Variants in TSC1 observed in about 807,000 individuals in gnomAD.
TSC1 encodes the protein hamartin.
TSC1 carries 20 observed loss-of-function variants against 124.3 expected under a neutral mutation model. That is an observed-to-expected ratio of 0.16 (90% confidence interval 0.11 to 0.23). The LOEUF is 0.23. TSC1 is among the 10% of genes least tolerant of loss of function. The pLI is 1.00. For missense variants in TSC1, 1,124 were observed against 1,448.5 expected (o/e 0.78, Z 3.64); for synonymous variants, 493 against 539.1 (o/e 0.91, Z 1.19).
rs910475358 is a variant in TSC1, at chr9:132,896,712, C to A, written c.3018G>T (p.Gly1006=). 1 of 1,613,920 alleles carries A rather than the reference C, an allele frequency of 6.2e-7. No homozygotes were observed. Among genetic ancestry groups the A allele is most frequent in the East Asian group, 2.2e-5 (1 of 44,876 alleles). ...CNDGCSDSMV[G]HNEEASGHNG... is the part of the protein sequence containing the mutation. ...TGTGGCCAGATGCCTCTTCATTGTG[C>A]CCTACCATGGAATCTGAGCACCCGT... Residue 1006 remains glycine (G), a synonymous_variant, in exon 23 of 23, where the codon GGG becomes GGT. Coordinates refer to ENST00000298552, the MANE Select transcript of TSC1 (RefSeq NM_000368.5). This position sits in a 1 kb window ranked among gnomAD's most constrained non-coding sequence, Gnocchi z 4.5.
Position 132,895,929 on chromosome 9 carries a change from G to A in TSC1, c.*306C>T, listed in dbSNP as rs1363797770. ...CTCATATTGCACAGGTTCAAAGGAC[G>A]CAACCATTTGGGGGGGAAAGGAAGA... On this transcript the variant is annotated 3_prime_UTR_variant, in exon 23 of 23. Coordinates refer to ENST00000298552, the MANE Select transcript of TSC1 (RefSeq NM_000368.5). 4 of 446,600 alleles carry A rather than the reference G, an allele frequency of 9.0e-6. No homozygotes were observed. The highest frequency in any genetic ancestry group is 3.9e-5 in the East Asian group (1 of 25,384). 27.7% of individuals were successfully genotyped at this position (446,600 alleles called of 1,614,324 possible). A position where few individuals can be genotyped will look rare whatever the true frequency, so the allele number is the denominator to read the frequency against.
At position 132,906,696 on chromosome 9, in the gene TSC1, GT is replaced by G; in HGVS notation, c.1438+34del. On this transcript the variant is annotated intron_variant, in intron 14 of 22. Transcript: ENST00000298552. This position sits in a 1 kb window ranked among gnomAD's most constrained non-coding sequence, Gnocchi z 4.1. Reference sequence around the variant, plus strand: ...AGATTTATAGCAGAGCGAGGGTCAGGTTTTATCAACTCATAGCAATCCCACA... The same window carrying G: ...AGATTTATAGCAGAGCGAGGGTCAGGTTTATCAACTCATAGCAATCCCACA... 6.4e-7 allele frequency: 1 copy of G among 1,566,174 alleles called. No individual in the cohort carries two copies. Among genetic ancestry groups the G allele is most frequent in the Non-Finnish European group, 8.8e-7 (1 of 1,141,234 alleles).
intron 13 of TSC1, 35 bp downstream of exon 13, chr9:132,907,266 G>C: frequency 1.3e-6 from 2 of 1,575,358 alleles, no homozygotes; most frequent in South Asian, 2.2e-5. Flanking sequence ...AATTAGAAGA[G>C]GCAAGCAAGG....
At position 132,906,354 on chromosome 9, in the gene TSC1, T is replaced by C; in HGVS notation, c.1439-215A>G. 1.6e-6 allele frequency: 1 copy of C among 632,918 alleles called. No individual in the cohort carries two copies. The highest frequency in any genetic ancestry group is 2.8e-6 in the Non-Finnish European group (1 of 354,054). The allele number at this position is 632,918 out of a possible 1,614,324, so 39.2% of individuals were successfully genotyped here. On this transcript the variant is annotated intron_variant, in intron 14 of 22. Coordinates refer to ENST00000298552, the MANE Select transcript of TSC1 (RefSeq NM_000368.5). This position sits in a 1 kb window ranked among gnomAD's most constrained non-coding sequence, Gnocchi z 4.1. ...TGAGCCCAGGAGTTAGAGACCAGCC[T>C]GGACAACATAGGGAGATCCCATCTC...
At chr9:132,944,830 G>T (rs945770302), upstream of TSC1, 5 of 382,332 alleles carry the variant, frequency 1.3e-5, no homozygotes, top group South Asian at 1.5e-4. Context: ...GGGCGGGGCC[G>T]GGCGGAAGGA....
At chr9:132,944,435 G>GT (rs1847957008) in intron 1 of TSC1, 108 bp downstream of exon 1, 1 of 396,688 alleles carries the variant, frequency 2.5e-6, no homozygotes, top group Admixed American at 4.4e-5. Context: ...TACCAAGCAA[G>GT]TGAGTCTCTT....
At chr9:132,898,219 A>C (rs1845188626) in intron 20 of TSC1, among the ~76,000 whole-genome samples, 2 of 152,240 alleles carry the variant, frequency 1.3e-5, no homozygotes, top group South Asian at 4.1e-4. Context: ...CAGCCTTTGC[A>C]GACTGGATGC....
chr9:132,921,727 A>T lies in TSC1; in HGVS notation c.663+92T>A, dbSNP rs1262929336. On this transcript the variant is annotated intron_variant, in intron 7 of 22. Transcript: ENST00000298552. This position sits in a 1 kb window ranked among gnomAD's most constrained non-coding sequence, Gnocchi z 4.3. Reference sequence around the variant, plus strand: ...GAAGAAAACTGAATTTCTTTTCAAAATTTCCCTGTCTGCCGTTAAATACAA... The same window carrying T: ...GAAGAAAACTGAATTTCTTTTCAAATTTTCCCTGTCTGCCGTTAAATACAA... 21 of 1,539,096 alleles carry T rather than the reference A, an allele frequency of 1.4e-5. No homozygotes were observed. Among genetic ancestry groups the T allele is most frequent in the Admixed American group, 1.7e-5 (1 of 59,598 alleles).
chr9:132,896,705 CAT>C lies in TSC1; in HGVS notation c.3023_3024del (p.Asn1008ArgfsTer9), dbSNP rs775387289. 1 of 1,614,022 alleles carries C rather than the reference CAT, an allele frequency of 6.2e-7. No homozygotes were observed. On this transcript the variant is annotated frameshift_variant, in exon 23 of 23. Coordinates refer to ENST00000298552, the MANE Select transcript of TSC1 (RefSeq NM_000368.5). LOFTEE classifies it high-confidence loss of function. This position sits in a 1 kb window ranked among gnomAD's most constrained non-coding sequence, Gnocchi z 4.5. ...DGCSDSMVGH[N>X]EEASGHNGET... ...TCACCGTTGTGGCCAGATGCCTCTT[CAT>C]TGTGCCCTACCATGGAATCTGAGCA...
intron 2 of TSC1, chr9:132,931,124 CAATT>C (rs1029849840): frequency 6.6e-6 from 1 of 152,196 alleles, no homozygotes; most frequent in African/African-American, 2.4e-5. Flanking sequence ...AAATGATTCT[CAATT>C]AGTGACAAAG....
At chr9:132,937,726 G>A (rs892834795) in intron 1 of TSC1, among the ~76,000 whole-genome samples, 2 of 151,990 alleles carry the variant, frequency 1.3e-5, no homozygotes, top group Non-Finnish European at 2.9e-5. Context: ...TTTGTTTTTT[G>A]AGATAGAGCC....
chr9:132,929,099 G>T, intron 2 of TSC1, 147 bp from the exon 3 acceptor site: 1 of 631,698 alleles, frequency 1.6e-6, no homozygotes, highest in Non-Finnish European at 2.6e-6. Context: ...AGTACATTTA[G>T]CTGATAAAAG....
At position 132,896,343 on chromosome 9, in the gene TSC1, G is replaced by A. The variant is rs200200869; in HGVS notation, c.3387C>T (p.Ala1129=). The change falls in exon 23 of 23, where the codon GCC becomes GCT. Residue 1129 remains alanine (A), a synonymous_variant. Transcript: ENST00000298552. The surrounding 1 kb of genome is among the most constrained non-coding windows in gnomAD (Gnocchi z 4.5). ...GGCCATCTAGGTTCAGGGGAATCTT[G>A]GCTTCCACACCCAAGTCTTTGCCCA... ...TELGKDLGVE[A]KIPLNLDGPH... is the part of the protein sequence containing the mutation. 710 of 1,614,176 alleles carry A rather than the reference G, an allele frequency of 4.4e-4. 13 individuals are homozygous for A. In the South Asian group the frequency reaches 7.0e-3, roughly 16 times the overall value.
At chr9:132,940,723 T>C (rs1216624161) in intron 1 of TSC1, 3 of 152,216 alleles carry the variant, frequency 2.0e-5, no homozygotes, top group Non-Finnish European at 4.4e-5. Context: ...ACCACAGTGT[T>C]TGGCACATGA....
Position 132,892,029 on chromosome 9 carries a change from T to A in TSC1, c.*4206A>T, listed in dbSNP as rs1174761648. The A allele has an allele frequency of 4.3e-6, 1 of 233,060 alleles. No homozygotes were observed. Among genetic ancestry groups the A allele is most frequent in the Non-Finnish European group, 8.5e-6 (1 of 117,978 alleles). 14.4% of individuals were successfully genotyped at this position (233,060 alleles called of 1,614,324 possible). A position where few individuals can be genotyped will look rare whatever the true frequency, so the allele number is the denominator to read the frequency against. On this transcript the variant is annotated 3_prime_UTR_variant, in exon 23 of 23. Coordinates refer to ENST00000298552, the MANE Select transcript of TSC1 (RefSeq NM_000368.5). ...CCTCTGCCATCATTAACTCGTTTCA[T>A]GACCAGAAGCCATGGGCACAGGTGC...
At chr9:132,917,716 A>G (rs1305273840) in intron 8 of TSC1, among the ~76,000 whole-genome samples, 2 of 152,132 alleles carry the variant, frequency 1.3e-5, no homozygotes, top group Admixed American at 1.3e-4. Context: ...TCATATTACC[A>G]AGCTCTATCC....
chr9:132,930,587 CAAAAA>C (rs58163733), intron 2 of TSC1, among the ~76,000 whole-genome samples: 12 of 45,248 alleles, frequency 2.7e-4, no homozygotes, highest in African/African-American at 8.9e-4. Flanking sequence ...GACTCTGCCT[CAAAAA>C]AAAAAAAAAA....
At chr9:132,914,703 C>CA (rs11334240) in intron 8 of TSC1, among the ~76,000 whole-genome samples, 5,377 of 114,234 alleles carry the variant, frequency 0.047, 280 homozygotes, top group African/African-American at 0.14. Flanking sequence ...AAAAAAAATA[C>CA]AAAAAAAAAA....
Position 132,902,570 on chromosome 9 carries a change from T to A in TSC1, c.2391+35A>T. 6.2e-7 allele frequency: 1 copy of A among 1,612,818 alleles called. No homozygotes were observed. ...CCCTCCCCACTGCTCTCCGGCATTC[T>A]CGCAGTTGGCTTTGCCTGGTGCTGC... On this transcript the variant is annotated intron_variant, in intron 18 of 22. Transcript: ENST00000298552. This position sits in a 1 kb window ranked among gnomAD's most constrained non-coding sequence, Gnocchi z 5.2.
Sources: allele counts gnomAD v4.1 joint callset (sites outside exome capture counted in the v4.1 genomes callset), GRCh38; gene constraint gnomAD v4.1.1; non-coding constraint Gnocchi (gnomAD v3.1); transcripts MANE v1.5; gene names NCBI Gene and HGNC (gene_info 2026-07-23, HGNC 2026-07-21).